APBB1IP: variants seen among roughly 807,000 people sequenced by gnomAD.
APBB1IP encodes the protein amyloid beta precursor protein binding family B member 1 interacting protein.
In APBB1IP, 27 loss-of-function variants were observed where a neutral mutation model predicts 64.9. The observed-to-expected ratio is 0.42, with a 90% confidence interval of 0.31 to 0.57. The LOEUF (loss-of-function observed/expected upper bound fraction) is 0.57. Ranked by LOEUF, APBB1IP falls within the 20% of genes least tolerant of loss-of-function variation. APBB1IP has a pLI of 0.20. For missense variants in APBB1IP, 812 were observed against 845.5 expected, an observed-to-expected ratio of 0.96 and a Z score of 0.49; for synonymous variants, 392 against 331.0, an observed-to-expected ratio of 1.18 and a Z score of -2.00.
At chr10:26,457,016 G>T (rs1207533552) in intron 2 of APBB1IP, among the ~76,000 whole-genome samples, 1 of 152,126 alleles carries the variant, frequency 6.6e-6, no homozygotes, top group Non-Finnish European at 1.5e-5. Context: ...CTTAGTGAAG[G>T]TTATTGGGCT....
At chr10:26,486,207 A>AT (rs1247584379) in intron 2 of APBB1IP, among the ~76,000 whole-genome samples, 29 of 152,206 alleles carry the variant, frequency 1.9e-4, no homozygotes, top group African/African-American at 6.3e-4. Context: ...GCCAGGGAAG[A>AT]TTTTTAAACA....
At chr10:26,482,961 G>A (rs1013844949) in intron 2 of APBB1IP, among the ~76,000 whole-genome samples, 2 of 150,658 alleles carry the variant, frequency 1.3e-5, no homozygotes, top group African/African-American at 2.4e-5. Context: ...CATGGTGGCC[G>A]GTGCCTGTAA....
At chr10:26,440,190 C>A (rs369137523) in intron 2 of APBB1IP, among the ~76,000 whole-genome samples, 27 of 152,022 alleles carry the variant, frequency 1.8e-4, no homozygotes, top group African/African-American at 6.0e-4. Context: ...TTATATCTCC[C>A]CCATCTAGAT....
chr10:26,512,760 T>G (rs186325654), intron 7 of APBB1IP, among the ~76,000 whole-genome samples: 2 of 152,076 alleles, frequency 1.3e-5, no homozygotes, highest in Non-Finnish European at 2.9e-5. Flanking sequence ...GCACACATCA[T>G]CATATTTCTC....
At chr10:26,541,435 T>G in intron 10 of APBB1IP, 147 bp from the exon 11 acceptor site, 1 of 631,770 alleles carries the variant, frequency 1.6e-6, no homozygotes, top group South Asian at 2.0e-5. Flanking sequence ...TGAGAAAACC[T>G]ATACATGGCA....
chr10:26,550,604 T>A (rs945919648), intron 11 of APBB1IP, among the ~76,000 whole-genome samples: 8 of 152,216 alleles, frequency 5.3e-5, no homozygotes, highest in African/African-American at 1.2e-4. Context: ...TTTGTTTTTT[T>A]AATTATTTCT....
chr10:26,530,695 A>C, intron 8 of APBB1IP, among the ~76,000 whole-genome samples: 1 of 152,046 alleles, frequency 6.6e-6, no homozygotes, highest in Non-Finnish European at 1.5e-5. Context: ...TCTCAAAAAA[A>C]AAAAAAATTA....
chr10:26,458,041 G>A, intron 2 of APBB1IP, among the ~76,000 whole-genome samples: 1 of 152,142 alleles, frequency 6.6e-6, no homozygotes, highest in East Asian at 1.9e-4. Context: ...GGACAGCAGA[G>A]AAGTTGTATG....
intron 3 of APBB1IP, among the ~76,000 whole-genome samples, chr10:26,493,440 A>G (rs1564360057): frequency 6.6e-6 from 1 of 152,226 alleles, no homozygotes; most frequent in Non-Finnish European, 1.5e-5. Context: ...CAGAGATTGC[A>G]GTAAAGACAG....
chr10:26,487,656 T>C (rs1431284847), intron 2 of APBB1IP, among the ~76,000 whole-genome samples: 1 of 152,142 alleles, frequency 6.6e-6, no homozygotes, highest in African/African-American at 2.4e-5. Context: ...CGCTGTTGTT[T>C]TGAGTTATTT....
intron 8 of APBB1IP, among the ~76,000 whole-genome samples, chr10:26,525,725 A>G (rs1836466213): frequency 6.6e-6 from 1 of 152,216 alleles, no homozygotes; most frequent in Non-Finnish European, 1.5e-5. Context: ...AAAAGCACAG[A>G]AATTTATTTA....
At chr10:26,516,436 G>T (rs947214574) in intron 8 of APBB1IP, among the ~76,000 whole-genome samples, 1 of 150,816 alleles carries the variant, frequency 6.6e-6, no homozygotes, top group African/African-American at 2.4e-5. Context: ...TCAGCTACTT[G>T]GGAGGCTGAG....
At chr10:26,454,102 A>G (rs891538745) in intron 2 of APBB1IP, among the ~76,000 whole-genome samples, 1 of 152,204 alleles carries the variant, frequency 6.6e-6, no homozygotes, top group Non-Finnish European at 1.5e-5. Context: ...AAATCCAGGC[A>G]CAGAATGACA....
intron 2 of APBB1IP, among the ~76,000 whole-genome samples, chr10:26,471,307 G>A (rs796368837): frequency 5.6e-4 from 85 of 152,216 alleles, no homozygotes; most frequent in African/African-American, 1.9e-3. Flanking sequence ...CTGCACACGG[G>A]GCTAATTCTG....
intron 7 of APBB1IP, 122 bp downstream of exon 7, chr10:26,512,028 C>A: frequency 8.7e-7 from 1 of 1,146,032 alleles, no homozygotes; most frequent in Non-Finnish European, 1.2e-6. Context: ...CATGCTCTCA[C>A]TATGCTGCCC....
At chr10:26,514,355 T>C (rs916292499) in intron 8 of APBB1IP, among the ~76,000 whole-genome samples, 3 of 152,208 alleles carry the variant, frequency 2.0e-5, no homozygotes, top group Non-Finnish European at 4.4e-5. Flanking sequence ...TTGTTTGTAT[T>C]TGGTGCTTAT....
intron 2 of APBB1IP, 146 bp from the exon 3 acceptor site, chr10:26,492,181 C>A (rs903833197): frequency 5.0e-6 from 3 of 596,392 alleles, no homozygotes; most frequent in Non-Finnish European, 5.8e-6. Flanking sequence ...AAATTTCAGG[C>A]TAACATAAGC....
At chr10:26,529,816 T>C (rs1045857301) in intron 8 of APBB1IP, among the ~76,000 whole-genome samples, 1 of 152,078 alleles carries the variant, frequency 6.6e-6, no homozygotes, top group Non-Finnish European at 1.5e-5. Flanking sequence ...AATTTTTGTA[T>C]TTTTAGTAGA....
intron 9 of APBB1IP, among the ~76,000 whole-genome samples, chr10:26,533,806 G>A (rs1836584470): frequency 6.6e-6 from 1 of 152,094 alleles, no homozygotes; most frequent in African/African-American, 2.4e-5. Flanking sequence ...TTACTTAAGT[G>A]CTCCACGGAA....
Sources: allele counts gnomAD v4.1 joint callset (sites outside exome capture counted in the v4.1 genomes callset), GRCh38; gene constraint gnomAD v4.1.1; transcripts MANE v1.5; gene names NCBI Gene and HGNC (gene_info 2026-07-23, HGNC 2026-07-21).